The following GTF2IRD1 variants were observed in gnomAD, a reference collection of about 807,000 sequenced individuals.
GTF2IRD1 encodes general transcription factor II-I repeat domain-containing protein 1.
GTF2IRD1 carries 26 observed loss-of-function variants against 113.2 expected under a neutral mutation model. The ratio of observed to expected loss-of-function variants is 0.23; its 90% CI spans 0.17 to 0.32. The LOEUF is 0.32. GTF2IRD1 is among the 10% of genes least tolerant of loss of function. The probability of loss-of-function intolerance (pLI) is 1.00; values close to 1 mark genes in which losing one functional copy is unlikely to be tolerated. For synonymous variants in GTF2IRD1, 484 were observed against 529.1 expected (o/e 0.91, Z 1.17); for missense variants, 864 against 1,280.8 (o/e 0.67, Z 4.97).
At chr7:74,600,814 G>A (rs1479744421) in intron 25 of GTF2IRD1, 1 of 594,700 alleles carries the variant, frequency 1.7e-6, no homozygotes, top group East Asian at 2.8e-5. Flanking sequence ...AGGCAGGCAG[G>A]CCAGCAAGAG....
chr7:74,536,108 C>A, intron 10 of GTF2IRD1, 59 bp from the exon 11 acceptor site: 1 of 1,056,480 alleles, frequency 9.5e-7, no homozygotes, highest in South Asian at 1.3e-5. Flanking sequence ...TACCCAGGGG[C>A]TCTGCAGCAA....
chr7:74,504,183 A>C (rs1300184732), intron 1 of GTF2IRD1, among the ~76,000 whole-genome samples: 1 of 152,132 alleles, frequency 6.6e-6, no homozygotes, highest in Non-Finnish European at 1.5e-5. Context: ...GGTTGATTCC[A>C]TGTCTTTGCT....
At chr7:74,569,641 A>G (rs1168352818) in intron 22 of GTF2IRD1, among the ~76,000 whole-genome samples, 3 of 151,952 alleles carry the variant, frequency 2.0e-5, no homozygotes, top group Admixed American at 2.0e-4. Flanking sequence ...CCATATTTCC[A>G]CCCACCAAGG....
chr7:74,539,783 T>C, intron 13 of GTF2IRD1, 96 bp from the exon 14 acceptor site: 1 of 795,164 alleles, frequency 1.3e-6, no homozygotes, highest in Non-Finnish European at 2.1e-6. Flanking sequence ...AAAGGACCCT[T>C]GTCTGTGGGG....
At chr7:74,601,456 G>C in intron 26 of GTF2IRD1, 8 of 1,449,348 alleles carry the variant, frequency 5.5e-6, no homozygotes, top group Non-Finnish European at 7.2e-6. Context: ...ACACCCTTCA[G>C]CCGCACCAGA....
At chr7:74,554,317 G>A (rs1369557709) in intron 17 of GTF2IRD1, among the ~76,000 whole-genome samples, 1 of 152,144 alleles carries the variant, frequency 6.6e-6, no homozygotes, top group African/African-American at 2.4e-5. Context: ...GCTGAAGATG[G>A]GGCCTTCAGA....
At chr7:74,471,952 A>T (rs1478139761) in intron 1 of GTF2IRD1, among the ~76,000 whole-genome samples, 4 of 152,192 alleles carry the variant, frequency 2.6e-5, no homozygotes, top group Non-Finnish European at 5.9e-5. Flanking sequence ...AGATGGCGCC[A>T]CTGCTCTCCA....
intron 7 of GTF2IRD1, 72 bp downstream of exon 7, chr7:74,521,369 G>A: frequency 1.1e-6 from 1 of 891,646 alleles, no homozygotes; most frequent in Non-Finnish European, 1.9e-6. Flanking sequence ...TATTGAAATG[G>A]AAGTGTATCT....
At chr7:74,562,945 G>C (rs28719153) in intron 22 of GTF2IRD1, among the ~76,000 whole-genome samples, 1 of 152,084 alleles carries the variant, frequency 6.6e-6, no homozygotes, top group Non-Finnish European at 1.5e-5. Flanking sequence ...TCAGAAGTGC[G>C]AGACATGTAT....
chr7:74,458,747 C>T lies in GTF2IRD1; in HGVS notation c.-7+4571C>T, dbSNP rs768774842. 7.2e-5 allele frequency among the ~76,000 whole-genome samples: 11 copies of T among 151,962 alleles called. 1 individual carries two copies. Among genetic ancestry groups the T allele is most frequent in the Non-Finnish European group, 1.0e-4 (7 of 67,950 alleles). On this transcript the variant is annotated intron_variant, in intron 1 of 26. Transcript: ENST00000424337. ...CCAACTCACTGCAACTTCCACCTCC[C>T]GGGTTCAAGTGATTCTCGTGCCTCA...
rs374465980 is a variant in GTF2IRD1, at chr7:74,482,653, T to A, written c.-6-25422T>A. Among the ~76,000 whole-genome samples the A allele has an allele frequency of 9.2e-5, 14 of 152,218 alleles. No individual in the cohort carries two copies. In the East Asian group the frequency reaches 2.3e-3, roughly 25 times the overall value. On this transcript the variant is annotated intron_variant, in intron 1 of 26. Coordinates refer to ENST00000424337, the MANE Select transcript of GTF2IRD1 (RefSeq NM_005685.4). ...AAGAAACAGCATTGACAAGCCCCTC[T>A]CACCCCCTTCCAGTTACTACCACTC...
At chr7:74,499,947 CAAAG>C (rs1795932781) in intron 1 of GTF2IRD1, among the ~76,000 whole-genome samples, 1 of 152,120 alleles carries the variant, frequency 6.6e-6, no homozygotes, top group African/African-American at 2.4e-5. Context: ...TGAATACACA[CAAAG>C]GAATGAATGT....
At chr7:74,505,791 T>C (rs9654801) in intron 1 of GTF2IRD1, among the ~76,000 whole-genome samples, 10,949 of 152,206 alleles carry the variant, frequency 0.072, 1,200 homozygotes, top group African/African-American at 0.24. Context: ...TTATGAAGTC[T>C]GGTCGCATGC....
chr7:74,563,160 G>A (rs797043751), intron 22 of GTF2IRD1, among the ~76,000 whole-genome samples: 11 of 152,090 alleles, frequency 7.2e-5, no homozygotes, highest in Admixed American at 1.3e-4. Context: ...AAGGCCTAAC[G>A]GTGGGATCTC....
chr7:74,474,592 CTCTT>C (rs1554333159), intron 1 of GTF2IRD1, among the ~76,000 whole-genome samples: 1 of 152,204 alleles, frequency 6.6e-6, no homozygotes, highest in African/African-American at 2.4e-5. Context: ...TGGCCCCTGA[CTCTT>C]TGTGCTGTGT....
intron 12 of GTF2IRD1, 128 bp from the exon 13 acceptor site, chr7:74,538,552 G>C (rs1798438216): frequency 6.4e-6 from 5 of 779,716 alleles, no homozygotes; most frequent in South Asian, 5.5e-5. Flanking sequence ...GAGCCAGGGG[G>C]CTGACATGAC....
rs536514887 is a variant in GTF2IRD1, at chr7:74,482,254, G to T, written c.-6-25821G>T. On this transcript the variant is annotated intron_variant, in intron 1 of 26. Coordinates refer to ENST00000424337, the MANE Select transcript of GTF2IRD1 (RefSeq NM_005685.4). ...TTTTTTTTTTTTTTTTTTGAGACGG[G>T]CCTCCTTCTGTATCCCAGGCTGGAG... is the stretch of plus-strand genomic sequence containing the variant. Among the ~76,000 whole-genome samples the T allele has an allele frequency of 3.5e-5, 5 of 142,928 alleles. No homozygotes were observed. The East Asian group carries it at 1.0e-3, about 29-fold the overall frequency. The allele number at this position is 142,928 out of a possible 152,430, so 93.8% of individuals were successfully genotyped here. A position where few individuals can be genotyped will look rare whatever the true frequency, so the allele number is the denominator to read the frequency against.
At chr7:74,492,128 C>T (rs1026678826) in intron 1 of GTF2IRD1, among the ~76,000 whole-genome samples, 4 of 151,930 alleles carry the variant, frequency 2.6e-5, no homozygotes, top group East Asian at 1.9e-4. Context: ...CTCAGCCTCC[C>T]GAGTAGCTGG....
chr7:74,515,123 C>T (rs933737861), intron 3 of GTF2IRD1, among the ~76,000 whole-genome samples: 1 of 150,922 alleles, frequency 6.6e-6, no homozygotes, highest in Non-Finnish European at 1.5e-5. Flanking sequence ...CAGTTCTGAG[C>T]TGGAATAGCT....
Sources: gnomAD v4.1 joint callset for allele counts (sites outside exome capture counted in the v4.1 genomes callset) on GRCh38, gnomAD v4.1.1 for gene constraint, MANE v1.5 for transcripts, NCBI Gene and HGNC (gene_info 2026-07-23, HGNC 2026-07-21) for gene names.